CNBD1: variants seen among roughly 807,000 people sequenced by gnomAD.
The protein encoded by CNBD1 is cyclic nucleotide-binding domain-containing protein 1.
CNBD1 carries 71 observed loss-of-function variants against 54.4 expected under a neutral mutation model. The observed-to-expected ratio is 1.30, with a 90% confidence interval of 1.08 to 1.59. The LOEUF is 1.59. Among genes scored for constraint, CNBD1 ranks in the 40% most tolerant of loss-of-function variants. The pLI, the probability that CNBD1 is intolerant of heterozygous loss-of-function variation, is 0.00. For synonymous variants in CNBD1, 182 were observed against 170.7 expected, an observed-to-expected ratio of 1.07 and a Z score of -0.51; for missense variants, 659 against 518.0, an observed-to-expected ratio of 1.27 and a Z score of -2.64.
At chr8:87,019,453 G>C (rs1809437080) in intron 4 of CNBD1, among the ~76,000 whole-genome samples, 1 of 152,084 alleles carries the variant, frequency 6.6e-6, no homozygotes, top group African/African-American at 2.4e-5. Flanking sequence ...TACAAAAGTG[G>C]GGAGAAAAAT....
intron 4 of CNBD1, among the ~76,000 whole-genome samples, chr8:87,054,753 T>C (rs1810379272): frequency 6.6e-6 from 1 of 152,132 alleles, no homozygotes; most frequent in African/African-American, 2.4e-5. Flanking sequence ...CCAAAAACCT[T>C]TGGTTGCCTG....
chr8:86,930,785 C>A (rs928369576), intron 3 of CNBD1, among the ~76,000 whole-genome samples: 1 of 152,176 alleles, frequency 6.6e-6, no homozygotes, highest in African/African-American at 2.4e-5. Context: ...TGCAGGGACT[C>A]CTGCATTTTC....
intron 4 of CNBD1, among the ~76,000 whole-genome samples, chr8:87,028,443 A>T (rs1302241114): frequency 6.6e-6 from 1 of 152,202 alleles, no homozygotes; most frequent in Non-Finnish European, 1.5e-5. Flanking sequence ...TTACCAGAAC[A>T]CCAGGAGTTC....
chr8:87,275,907 C>G (rs1808469673), intron 6 of CNBD1, among the ~76,000 whole-genome samples: 1 of 151,952 alleles, frequency 6.6e-6, no homozygotes, highest in Non-Finnish European at 1.5e-5. Flanking sequence ...ACAAAAATCA[C>G]AAGTATTCTT....
intron 2 of CNBD1, among the ~76,000 whole-genome samples, chr8:87,391,685 A>T (rs1345379673): frequency 6.6e-6 from 1 of 152,084 alleles, no homozygotes; most frequent in Non-Finnish European, 1.5e-5. Flanking sequence ...AATTGACTCT[A>T]AATGGGTCGT....
rs1312580256 is a variant in CNBD1, at chr8:87,322,381, T to A, written c.1043-29304T>A. 9.2e-5 allele frequency among the ~76,000 whole-genome samples: 11 copies of A among 119,438 alleles called. 2 individuals are homozygous for A. The highest frequency in any genetic ancestry group is 1.9e-4 in the Non-Finnish European group (10 of 53,892). The allele number at this position is 119,438 out of a possible 152,430, so 78.4% of individuals were successfully genotyped here. Reference sequence around the variant, plus strand: ...CTAGATCCCTGAGGAATCGCCACACTGACTTCCACAATGGTTGAACTAGTT... The same window carrying A: ...CTAGATCCCTGAGGAATCGCCACACAGACTTCCACAATGGTTGAACTAGTT... On this transcript the variant is annotated intron_variant, in intron 8 of 10. Coordinates refer to ENST00000518476, the MANE Select transcript of CNBD1 (RefSeq NM_173538.3).
chr8:87,373,260 C>T (rs1233961726), intron 10 of CNBD1, among the ~76,000 whole-genome samples: 5 of 151,754 alleles, frequency 3.3e-5, no homozygotes, highest in African/African-American at 1.2e-4. Flanking sequence ...CCCAATGATA[C>T]TTCTACTGAT....
intron 4 of CNBD1, among the ~76,000 whole-genome samples, chr8:87,137,432 G>C (rs1812278948): frequency 6.6e-6 from 1 of 151,536 alleles, no homozygotes; most frequent in African/African-American, 2.4e-5. Flanking sequence ...TCCATCTCCT[G>C]ACTTCGTGAT....
At chr8:87,372,254 A>G (rs1465042440) in intron 10 of CNBD1, among the ~76,000 whole-genome samples, 1 of 151,908 alleles carries the variant, frequency 6.6e-6, no homozygotes, top group Non-Finnish European at 1.5e-5. Context: ...TCAAAGAGAA[A>G]AAAATACCTA....
At chr8:87,034,662 A>G (rs1461019204) in intron 4 of CNBD1, among the ~76,000 whole-genome samples, 1 of 152,220 alleles carries the variant, frequency 6.6e-6, no homozygotes, top group East Asian at 1.9e-4. Context: ...AGACTCGTAT[A>G]TAATATCTAC....
intron 4 of CNBD1, among the ~76,000 whole-genome samples, chr8:86,975,732 T>G (rs1382156882): frequency 6.6e-6 from 1 of 152,024 alleles, no homozygotes; most frequent in Non-Finnish European, 1.5e-5. Flanking sequence ...TCCATTCCGT[T>G]GGAGATATAC....
At chr8:87,392,032 G>A (rs1811319431) in intron 2 of CNBD1, among the ~76,000 whole-genome samples, 1 of 151,970 alleles carries the variant, frequency 6.6e-6, no homozygotes, top group African/African-American at 2.4e-5. Flanking sequence ...AAAGAAGAAT[G>A]GCTGATAAGC....
chr8:87,045,182 G>A (rs921099457), intron 4 of CNBD1, among the ~76,000 whole-genome samples: 1 of 152,142 alleles, frequency 6.6e-6, no homozygotes, highest in Admixed American at 6.5e-5. Flanking sequence ...GCACTACTTG[G>A]AGTTTAATAG....
At chr8:86,894,541 AC>A (rs953662760) in intron 2 of CNBD1, among the ~76,000 whole-genome samples, 2 of 152,162 alleles carry the variant, frequency 1.3e-5, no homozygotes, top group Non-Finnish European at 2.9e-5. Flanking sequence ...AAGCCCATTT[AC>A]ATTAGGAATT....
At chr8:87,003,836 A>G (rs2130548969) in intron 4 of CNBD1, among the ~76,000 whole-genome samples, 1 of 152,270 alleles carries the variant, frequency 6.6e-6, no homozygotes, top group Middle Eastern at 3.4e-3. Context: ...TGGGAGACTA[A>G]CCACTGCAGG....
At chr8:87,183,960 G>T (rs1055883223) in intron 4 of CNBD1, among the ~76,000 whole-genome samples, 2 of 152,210 alleles carry the variant, frequency 1.3e-5, no homozygotes, top group African/African-American at 4.8e-5. Context: ...AATAAGGGCT[G>T]CCAGCAAAGC....
Position 86,878,105 on chromosome 8 carries a change from T to TGTGTGTGTGTGTGTGA in CNBD1, c.89-9436_89-9435insTGTGTGTGTGTGTGAG, listed in dbSNP as rs56785226. On this transcript the variant is annotated intron_variant, in intron 1 of 10. Coordinates refer to ENST00000518476, the MANE Select transcript of CNBD1 (RefSeq NM_173538.3). ...CTGTGTGTGTGTGTGTGTGTGTGTG[T>TGTGTGTGTGTGTGTGA]GAGAGAGAGAGAGAGAGAGAGAGAG... is the stretch of plus-strand genomic sequence containing the variant. 4.4e-3 allele frequency among the ~76,000 whole-genome samples: 614 copies of TGTGTGTGTGTGTGTGA among 140,932 alleles called. 4 individuals carry two copies. The highest frequency in any genetic ancestry group is 0.027 in the East Asian group (125 of 4,670). 92.5% of individuals were successfully genotyped at this position (140,932 alleles called of 152,430 possible).
rs540746858 is a variant in CNBD1 at position 87,340,714 on chromosome 8, C to G, written c.1043-10971C>G. On this transcript the variant is annotated intron_variant, in intron 8 of 10. Coordinates refer to ENST00000518476, the MANE Select transcript of CNBD1 (RefSeq NM_173538.3). ...GCTTTATAAAGTCTGCTGTTAATCCCCTCTAGTGAATTTTTAATTCAGATA... is the reference window on the plus strand; with the variant it reads ...GCTTTATAAAGTCTGCTGTTAATCCGCTCTAGTGAATTTTTAATTCAGATA... Among the ~76,000 whole-genome samples, 38 of 152,074 alleles carry G rather than the reference C, an allele frequency of 2.5e-4. No homozygotes were observed. In the South Asian group the frequency reaches 3.9e-3, roughly 16 times the overall value.
chr8:87,266,436 ATCTT>A (rs1586376683), intron 6 of CNBD1, among the ~76,000 whole-genome samples: 5 of 76,262 alleles, frequency 6.6e-5, no homozygotes, highest in Non-Finnish European at 1.6e-4. Context: ...AAAAAAAAAA[ATCTT>A]TTTTTTTTTT....
Sources: gnomAD v4.1 joint callset for allele counts (sites outside exome capture counted in the v4.1 genomes callset) on GRCh38, gnomAD v4.1.1 for gene constraint, MANE v1.5 for transcripts, NCBI Gene and HGNC (gene_info 2026-07-23, HGNC 2026-07-21) for gene names.